Variants in AFF1 observed in about 807,000 individuals in gnomAD.
The protein encoded by AFF1 is ALF transcription elongation factor 1, also known as AF4/FMR2 family member 1.
In AFF1, 48 loss-of-function variants were observed where a neutral mutation model predicts 121.7. The ratio of observed to expected loss-of-function variants is 0.39; its 90% CI spans 0.31 to 0.50. The LOEUF (loss-of-function observed/expected upper bound fraction) is 0.50, where lower values mean the gene tolerates loss of function less well. Among genes scored for constraint, AFF1 ranks in the 20% least tolerant of loss-of-function variants. AFF1 has a pLI of 0.76. For missense variants in AFF1, 1,523 were observed against 1,511.7 expected (o/e 1.01, Z -0.12); for synonymous variants, 613 against 563.0 (o/e 1.09, Z -1.26).
intron 2 of AFF1, among the ~76,000 whole-genome samples, chr4:87,045,159 C>A (rs1291518775): frequency 2.0e-5 from 3 of 152,140 alleles, no homozygotes; most frequent in African/African-American, 7.2e-5. Flanking sequence ...CGTCTGACAT[C>A]AGGGCTAGAA....
intron 2 of AFF1, among the ~76,000 whole-genome samples, chr4:86,967,798 G>T (rs1235821834): frequency 6.6e-6 from 1 of 152,188 alleles, no homozygotes; most frequent in African/African-American, 2.4e-5. Flanking sequence ...AGTAGTCCAG[G>T]TTTGAAATGC....
chr4:87,102,868 C>G (rs1409057804), intron 8 of AFF1, among the ~76,000 whole-genome samples: 1 of 152,260 alleles, frequency 6.6e-6, no homozygotes, highest in African/African-American at 2.4e-5. Flanking sequence ...AGTTCATCTC[C>G]TCATTTTTCA....
At chr4:87,023,020 ACCCT>A (rs1262867861) in intron 2 of AFF1, among the ~76,000 whole-genome samples, 1 of 151,696 alleles carries the variant, frequency 6.6e-6, no homozygotes, top group Non-Finnish European at 1.5e-5. Flanking sequence ...CTCTTGCCTC[ACCCT>A]CCCGAGTAGC....
chr4:87,120,625 T>C (rs1373081136), intron 12 of AFF1, among the ~76,000 whole-genome samples: 2 of 152,228 alleles, frequency 1.3e-5, no homozygotes, highest in Non-Finnish European at 1.5e-5. Context: ...AAGGTCGGCG[T>C]ACTGGCTCTG....
At chr4:87,078,010 G>C (rs969564552) in intron 4 of AFF1, among the ~76,000 whole-genome samples, 2 of 152,146 alleles carry the variant, frequency 1.3e-5, no homozygotes, top group African/African-American at 4.8e-5. Context: ...AGAAGTGTCT[G>C]TGTAATTAGA....
chr4:87,119,673 C>G (rs1369407872), intron 12 of AFF1, among the ~76,000 whole-genome samples: 1 of 152,236 alleles, frequency 6.6e-6, no homozygotes, highest in Non-Finnish European at 1.5e-5. Context: ...ATTCAGTCAT[C>G]TTACAGATTC....
chr4:86,986,172 A>G (rs1724260458), intron 2 of AFF1, among the ~76,000 whole-genome samples: 1 of 151,978 alleles, frequency 6.6e-6, no homozygotes, highest in African/African-American at 2.4e-5. Flanking sequence ...TCCTGGGTTC[A>G]AGCGATCTTG....
At chr4:86,959,527 A>G (rs1721997250) in intron 2 of AFF1, among the ~76,000 whole-genome samples, 1 of 146,680 alleles carries the variant, frequency 6.8e-6, no homozygotes. Context: ...AGAGACTGGT[A>G]GAGATGGGGG....
At chr4:87,103,314 A>G (rs1304349758) in intron 8 of AFF1, among the ~76,000 whole-genome samples, 1 of 152,246 alleles carries the variant, frequency 6.6e-6, no homozygotes, top group Non-Finnish European at 1.5e-5. Flanking sequence ...AGCAGACACT[A>G]GTAATACACA....
Position 87,134,694 on chromosome 4 carries a change from G to T in AFF1, c.3535G>T (p.Glu1179Ter). ...CGAGGCCCTCACGAGGAAGAATAAA[G>T]GTAAATAAATGGCTTTGTGGTGGTA... ...QAEALTRKNK[E>*]FFARLSTNVC... Residue 1179 changes from glutamate (E) to a stop codon, truncating the protein, a stop_gained and splice_region_variant, in exon 20 of 21, where the codon GAA becomes TAA. Coordinates refer to ENST00000395146, the MANE Select transcript of AFF1 (RefSeq NM_001166693.3). LOFTEE classifies it high-confidence loss of function. The T allele has an allele frequency of 6.2e-7, 1 of 1,610,556 alleles. No homozygotes were observed. The highest frequency in any genetic ancestry group is 8.5e-7 in the Non-Finnish European group (1 of 1,177,466).
intron 2 of AFF1, among the ~76,000 whole-genome samples, chr4:86,972,339 T>C (rs1723006683): frequency 6.6e-6 from 1 of 151,940 alleles, no homozygotes; most frequent in Non-Finnish European, 1.5e-5. Flanking sequence ...ATGGAACCAT[T>C]CCATCTAAGC....
intron 2 of AFF1, among the ~76,000 whole-genome samples, chr4:87,040,239 C>T (rs1730000317): frequency 6.6e-6 from 1 of 152,152 alleles, no homozygotes; most frequent in Non-Finnish European, 1.5e-5. Context: ...CATTGGCCAT[C>T]CTTCTCTCAA....
chr4:87,108,210 A>G lies in AFF1; in HGVS notation c.1428A>G (p.Ala476=). Residue 476 remains alanine, a synonymous_variant, in exon 11 of 21, where the codon GCA becomes GCG. Coordinates refer to ENST00000395146, the MANE Select transcript of AFF1 (RefSeq NM_001166693.3). Reference sequence around the variant, plus strand: ...TGGCATCAGCACATTCCAGCAGTGCAGAGTCAGAAAGCACCAGTGACTCAG... The same window carrying G: ...TGGCATCAGCACATTCCAGCAGTGCGGAGTCAGAAAGCACCAGTGACTCAG... ...EPVASAHSSS[A]ESESTSDSDS... is the part of the protein sequence containing the mutation. The G allele has an allele frequency of 6.2e-7, 1 of 1,614,176 alleles. No homozygotes were observed. Among genetic ancestry groups the G allele is most frequent in the Non-Finnish European group, 8.5e-7 (1 of 1,180,008 alleles).
In AFF1 at chr4:87,080,257, A is replaced by G. The variant is rs772993719; in HGVS notation, c.1060-3863A>G. ...TGTGGTCATGTTAAAGTCAGTGTCT[A>G]TACCATTGAGGAAAGAGCTAGCCAG... is the stretch of plus-strand genomic sequence containing the variant. On this transcript the variant is annotated intron_variant, in intron 4 of 20. Coordinates refer to ENST00000395146, the MANE Select transcript of AFF1 (RefSeq NM_001166693.3). Among the ~76,000 whole-genome samples, 244 of 152,204 alleles carry G rather than the reference A, an allele frequency of 1.6e-3. 2 individuals are homozygous for G. The highest frequency in any genetic ancestry group is 2.4e-3 in the Non-Finnish European group (160 of 68,024).
chr4:87,084,034 A>G, intron 4 of AFF1, 86 bp from the exon 5 acceptor site: 2 of 1,231,748 alleles, frequency 1.6e-6, no homozygotes, highest in South Asian at 2.4e-5. Context: ...TGAGATGAGT[A>G]TTGCTGCATT....
intron 2 of AFF1, among the ~76,000 whole-genome samples, chr4:87,045,074 C>T (rs529445965): frequency 2.1e-4 from 32 of 152,054 alleles, no homozygotes; most frequent in Non-Finnish European, 4.4e-4. Context: ...GGCAGGGAGA[C>T]CAGTAGGCTT....
rs186304839 is a variant in AFF1, at chr4:86,960,287, G to A, written c.38+11716G>A. On this transcript the variant is annotated intron_variant, in intron 2 of 20. Transcript: ENST00000395146. ...ACTGGAAAAATGCTGTGCCTAGGAC[G>A]GCCCAGCAGGTATCCTGCATGTGTT... 6.1e-4 allele frequency among the ~76,000 whole-genome samples: 93 copies of A among 152,202 alleles called. 1 individual carries two copies. The highest frequency in any genetic ancestry group is 6.5e-5 in the Admixed American group (1 of 15,288).
At chr4:87,021,491 T>C (rs1180848796) in intron 2 of AFF1, among the ~76,000 whole-genome samples, 1 of 152,264 alleles carries the variant, frequency 6.6e-6, no homozygotes, top group African/African-American at 2.4e-5. Context: ...GATTTACATC[T>C]GGCTTTAGGC....
At chr4:87,108,103 A>G (rs1726101574) in intron 10 of AFF1, 56 bp from the exon 11 acceptor site, 15 of 1,582,194 alleles carry the variant, frequency 9.5e-6, no homozygotes, top group Non-Finnish European at 1.3e-5. Flanking sequence ...CAAGGGAGAA[A>G]GAAGAAATCC....
Sources: gnomAD v4.1 joint callset for allele counts (sites outside exome capture counted in the v4.1 genomes callset) on GRCh38, gnomAD v4.1.1 for gene constraint, MANE v1.5 for transcripts, NCBI Gene and HGNC (gene_info 2026-07-23, HGNC 2026-07-21) for gene names.